Variants in TRIO observed in about 807,000 individuals in gnomAD.
The protein encoded by TRIO is trio Rho guanine nucleotide exchange factor, also known as triple functional domain protein.
TRIO carries 58 observed loss-of-function variants against 351.9 expected under a neutral mutation model. That is an observed-to-expected ratio of 0.16 (90% CI 0.13 to 0.21). The LOEUF (loss-of-function observed/expected upper bound fraction) is 0.21, where lower values mean the gene tolerates loss of function less well. TRIO is among the 10% of genes least tolerant of loss of function. The probability of loss-of-function intolerance (pLI) is 1.00; values close to 1 mark genes in which losing one functional copy is unlikely to be tolerated. For synonymous variants in TRIO, 1,758 were observed against 1,595.7 expected (o/e 1.10, Z -2.42); for missense variants, 3,201 against 4,027.8 (o/e 0.79, Z 5.56).
intron 1 of TRIO, among the ~76,000 whole-genome samples, chr5:14,264,124 C>T (rs951872888): frequency 2.6e-5 from 4 of 151,996 alleles, no homozygotes; most frequent in Non-Finnish European, 5.9e-5. Context: ...AACATCAAAC[C>T]TTAAGAGTTC....
At chr5:14,261,170 A>T (rs569792198) in intron 1 of TRIO, among the ~76,000 whole-genome samples, 1 of 152,258 alleles carries the variant, frequency 6.6e-6, no homozygotes, top group South Asian at 2.1e-4. Context: ...ATCGTGGTTC[A>T]GTGCTGGGAA....
intron 18 of TRIO, among the ~76,000 whole-genome samples, chr5:14,371,004 A>T (rs1274579607): frequency 6.6e-6 from 1 of 152,216 alleles, no homozygotes; most frequent in African/African-American, 2.4e-5. Flanking sequence ...TGCGCTGTGC[A>T]TTGAGTAGAA....
intron 1 of TRIO, among the ~76,000 whole-genome samples, chr5:14,252,019 A>G (rs1227418197): frequency 2.6e-5 from 4 of 151,420 alleles, no homozygotes; most frequent in Non-Finnish European, 5.9e-5. Flanking sequence ...CCTTAACCAG[A>G]TGCTGTAAAA....
intron 1 of TRIO, among the ~76,000 whole-genome samples, chr5:14,152,816 C>T (rs1787914368): frequency 6.6e-6 from 1 of 152,246 alleles, no homozygotes; most frequent in Non-Finnish European, 1.5e-5. Context: ...CAGATCAGTG[C>T]ATCCTGATGG....
intron 31 of TRIO, among the ~76,000 whole-genome samples, chr5:14,404,368 T>G (rs568499217): frequency 4.8e-4 from 73 of 152,228 alleles, no homozygotes; most frequent in East Asian, 2.1e-3. Flanking sequence ...TACCTTTCTC[T>G]TACTATTTCT....
At position 14,462,867 on chromosome 5, in the gene TRIO, C is replaced by T. The variant is rs1454798337; in HGVS notation, c.5609C>T (p.Pro1870Leu). ...GAGGGGGCCGACGCCGTGCCCCTGCCGCCACCCATGGCCATCCAGCAGCAC... is the reference window on the plus strand; with the variant it reads ...GAGGGGGCCGACGCCGTGCCCCTGCTGCCACCCATGGCCATCCAGCAGCAC... ...GEEGADAVPL[P>L]PPMAIQQHSL... Residue 1870 changes from proline to leucine, a missense_variant, in exon 36 of 57, where the codon CCG (proline) becomes CTG (leucine). Coordinates refer to ENST00000344204, the MANE Select transcript of TRIO (RefSeq NM_007118.4). 6.2e-7 allele frequency: 1 copy of T among 1,612,424 alleles called. No homozygotes were observed. The highest frequency in any genetic ancestry group is 1.7e-5 in the Admixed American group (1 of 59,812).
intron 1 of TRIO, among the ~76,000 whole-genome samples, chr5:14,259,765 A>C (rs907838326): frequency 2.7e-5 from 4 of 150,562 alleles, no homozygotes; most frequent in Non-Finnish European, 5.9e-5. Flanking sequence ...GCCTAAAAAC[A>C]AGTTACAAAG....
At chr5:14,350,410 T>TA (rs1160473757) in intron 11 of TRIO, among the ~76,000 whole-genome samples, 7 of 151,780 alleles carry the variant, frequency 4.6e-5, no homozygotes, top group East Asian at 1.9e-4. Flanking sequence ...GGAAAGAAAA[T>TA]AAAAAAAACC....
intron 1 of TRIO, among the ~76,000 whole-genome samples, chr5:14,256,117 C>A (rs1795008657): frequency 6.6e-6 from 1 of 152,084 alleles, no homozygotes; most frequent in South Asian, 2.1e-4. Flanking sequence ...AAGCACTGTG[C>A]CAGGATCTGC....
At chr5:14,477,879 T>G (rs1755209864) in intron 41 of TRIO, among the ~76,000 whole-genome samples, 1 of 152,180 alleles carries the variant, frequency 6.6e-6, no homozygotes. Context: ...TTTGAAGTCT[T>G]TAAGTGTTGT....
intron 1 of TRIO, among the ~76,000 whole-genome samples, chr5:14,154,306 G>A (rs164525): frequency 0.058 from 8,815 of 152,162 alleles, 881 homozygotes; most frequent in African/African-American, 0.2. Context: ...CACTACCAGG[G>A]CTTCCTTTCT....
chr5:14,146,569 C>T (rs1787536544), intron 1 of TRIO, among the ~76,000 whole-genome samples: 1 of 152,190 alleles, frequency 6.6e-6, no homozygotes, highest in South Asian at 2.1e-4. Context: ...AACTTTTAAA[C>T]AATTAAGGGA....
At chr5:14,321,207 G>C (rs1739848122) in intron 9 of TRIO, among the ~76,000 whole-genome samples, 2 of 152,236 alleles carry the variant, frequency 1.3e-5, no homozygotes, top group South Asian at 4.1e-4. Flanking sequence ...AAGGTCAGTA[G>C]ATTGAGGAGT....
At chr5:14,361,827 G>C (rs1744175447) in intron 13 of TRIO, among the ~76,000 whole-genome samples, 1 of 152,132 alleles carries the variant, frequency 6.6e-6, no homozygotes, top group South Asian at 2.1e-4. Flanking sequence ...TCTTTTTAAA[G>C]TTTATTATGG....
intron 1 of TRIO, among the ~76,000 whole-genome samples, chr5:14,220,339 G>A (rs894837689): frequency 3.3e-5 from 5 of 152,096 alleles, no homozygotes; most frequent in African/African-American, 1.2e-4. Flanking sequence ...TTGACCAGCT[G>A]TTACCCCGCC....
chr5:14,486,308 A>T (rs894767370), intron 47 of TRIO, among the ~76,000 whole-genome samples: 1 of 152,192 alleles, frequency 6.6e-6, no homozygotes, highest in African/African-American at 2.4e-5. Context: ...CAAGAAAGCC[A>T]CCTCTACACC....
chr5:14,435,617 T>G (rs1312634275), intron 34 of TRIO, among the ~76,000 whole-genome samples: 1 of 152,256 alleles, frequency 6.6e-6, no homozygotes, highest in Non-Finnish European at 1.5e-5. Context: ...TCCTCATTCC[T>G]TCTGAATTTA....
intron 49 of TRIO, among the ~76,000 whole-genome samples, chr5:14,493,746 A>G (rs1227543577): frequency 2.0e-5 from 3 of 152,268 alleles, no homozygotes; most frequent in Non-Finnish European, 2.9e-5. Context: ...AAAAGTGGAT[A>G]TAGGCCGAAA....
At chr5:14,409,834 C>CAA (rs762403574) in intron 33 of TRIO, among the ~76,000 whole-genome samples, 8 of 82,110 alleles carry the variant, frequency 9.7e-5, no homozygotes, top group East Asian at 4.5e-4. Flanking sequence ...GACTCCATCT[C>CAA]AAAAAAAAAA....
Sources: allele counts gnomAD v4.1 joint callset (sites outside exome capture counted in the v4.1 genomes callset), GRCh38; gene constraint gnomAD v4.1.1; transcripts MANE v1.5; gene names NCBI Gene and HGNC (gene_info 2026-07-23, HGNC 2026-07-21).